Variants in CTNNA3 observed in about 807,000 individuals in gnomAD.
CTNNA3 encodes the protein catenin alpha-3.
Under a neutral mutation model 95.7 loss-of-function variants are expected in CTNNA3, and 76 were observed. The ratio of observed to expected loss-of-function variants is 0.79; its 90% CI spans 0.66 to 0.96. The LOEUF (loss-of-function observed/expected upper bound fraction) is 0.96, where lower values mean the gene tolerates loss of function less well. Among genes scored for constraint, CTNNA3 ranks in the 40% least tolerant of loss-of-function variants. The pLI, the probability that CTNNA3 is intolerant of heterozygous loss-of-function variation, is 0.00. For missense variants in CTNNA3, 1,191 were observed against 1,089.8 expected (o/e 1.09, Z -1.31); for synonymous variants, 431 against 374.4 (o/e 1.15, Z -1.74).
At chr10:66,607,354 A>G (rs552652189) in intron 10 of CTNNA3, among the ~76,000 whole-genome samples, 93 of 151,906 alleles carry the variant, frequency 6.1e-4, no homozygotes, top group Middle Eastern at 3.4e-3. Context: ...CAGATGTCCA[A>G]AGAAGAGCTG....
At chr10:67,585,801 AT>A (rs1032583528) in intron 3 of CTNNA3, among the ~76,000 whole-genome samples, 3 of 150,848 alleles carry the variant, frequency 2.0e-5, no homozygotes, top group South Asian at 2.1e-4. Flanking sequence ...GATCTTTTGT[AT>A]TTTTTTTAGT....
intron 7 of CTNNA3, among the ~76,000 whole-genome samples, chr10:66,999,473 A>C (rs1047965375): frequency 2.0e-5 from 3 of 152,054 alleles, no homozygotes; most frequent in Non-Finnish European, 4.4e-5. Context: ...GTCATCTTGT[A>C]TGGATCAGAA....
chr10:66,611,829 GT>G (rs1844340253), intron 10 of CTNNA3, among the ~76,000 whole-genome samples: 1 of 152,006 alleles, frequency 6.6e-6, no homozygotes, highest in South Asian at 2.1e-4. Flanking sequence ...TCCCAGATGT[GT>G]TTTCTTAAGG....
chr10:66,587,299 A>C (rs1843391468), intron 10 of CTNNA3, among the ~76,000 whole-genome samples: 1 of 152,116 alleles, frequency 6.6e-6, no homozygotes, highest in Non-Finnish European at 1.5e-5. Context: ...AGATGTTTTA[A>C]TGGGCTGTGC....
intron 17 of CTNNA3, among the ~76,000 whole-genome samples, chr10:65,924,221 G>T (rs1014905451): frequency 6.6e-6 from 1 of 152,066 alleles, no homozygotes; most frequent in Non-Finnish European, 1.5e-5. Flanking sequence ...AGTGGGTTAG[G>T]TATGGCATGG....
intron 13 of CTNNA3, among the ~76,000 whole-genome samples, chr10:66,256,018 G>A (rs1021097066): frequency 2.0e-5 from 3 of 152,206 alleles, no homozygotes; most frequent in Non-Finnish European, 4.4e-5. Flanking sequence ...TATAGCCAGG[G>A]AAGAAGCTGT....
intron 13 of CTNNA3, among the ~76,000 whole-genome samples, chr10:66,134,082 T>C (rs916214480): frequency 2.7e-4 from 41 of 151,994 alleles, no homozygotes; most frequent in Non-Finnish European, 5.4e-4. Context: ...AATCAAACTA[T>C]AAATAATTAG....
chr10:67,431,076 T>C (rs540023764), intron 5 of CTNNA3, among the ~76,000 whole-genome samples: 1 of 152,040 alleles, frequency 6.6e-6, no homozygotes, highest in African/African-American at 2.4e-5. Flanking sequence ...GGGAAGGCTA[T>C]TGTCCTGTTG....
At chr10:65,946,078 A>G (rs2077512228) in intron 17 of CTNNA3, among the ~76,000 whole-genome samples, 1 of 152,176 alleles carries the variant, frequency 6.6e-6, no homozygotes, top group South Asian at 2.1e-4. Flanking sequence ...TCTGCCTCTT[A>G]ATAGCTTTGT....
At chr10:66,128,468 A>G (rs2082928292) in intron 13 of CTNNA3, among the ~76,000 whole-genome samples, 1 of 152,110 alleles carries the variant, frequency 6.6e-6, no homozygotes, top group African/African-American at 2.4e-5. Flanking sequence ...TGACACAAGC[A>G]TGAAAAAAAA....
intron 5 of CTNNA3, among the ~76,000 whole-genome samples, chr10:67,493,577 A>AG (rs1353942443): frequency 6.6e-6 from 1 of 150,430 alleles, no homozygotes; most frequent in Non-Finnish European, 1.5e-5. Flanking sequence ...AAAAAAAAAA[A>AG]GTTTGATTTT....
At chr10:67,391,629 G>A (rs1481960928) in intron 5 of CTNNA3, among the ~76,000 whole-genome samples, 2 of 151,030 alleles carry the variant, frequency 1.3e-5, no homozygotes, top group Non-Finnish European at 3.0e-5. Flanking sequence ...AAAGCTGGAG[G>A]CATCACACTA....
intron 7 of CTNNA3, among the ~76,000 whole-genome samples, chr10:66,784,254 A>G (rs1840653170): frequency 6.6e-6 from 1 of 152,220 alleles, no homozygotes; most frequent in Non-Finnish European, 1.5e-5. Context: ...AGTTAAATTA[A>G]AGCCTCCACT....
Position 66,844,443 on chromosome 10 carries a change from C to T in CTNNA3, c.1048-68919G>A, listed in dbSNP as rs1843179107. ...CTGGGAAAACAACTTAACCTCATGG[C>T]ATTCTATGAAATCCCCAGAGTTCCT... On this transcript the variant is annotated intron_variant, in intron 7 of 17. Transcript: ENST00000433211. 2.0e-5 allele frequency among the ~76,000 whole-genome samples: 3 copies of T among 152,144 alleles called. No homozygotes were observed. In the South Asian group the frequency reaches 6.2e-4, roughly 32 times the overall value.
At chr10:66,476,586 A>T (rs904834132) in intron 11 of CTNNA3, among the ~76,000 whole-genome samples, 3 of 151,992 alleles carry the variant, frequency 2.0e-5, no homozygotes, top group African/African-American at 7.2e-5. Context: ...TATTTATCTT[A>T]TTTGTTAAAT....
intron 7 of CTNNA3, among the ~76,000 whole-genome samples, chr10:66,991,938 CAT>C (rs1441427240): frequency 6.6e-6 from 1 of 152,190 alleles, no homozygotes; most frequent in Non-Finnish European, 1.5e-5. Context: ...CATTAACCTT[CAT>C]ACCTCCCCTT....
At chr10:66,751,796 T>A (rs1839151026) in intron 9 of CTNNA3, among the ~76,000 whole-genome samples, 1 of 152,172 alleles carries the variant, frequency 6.6e-6, no homozygotes, top group Non-Finnish European at 1.5e-5. Flanking sequence ...CTTTTAAGTG[T>A]ACTACACACA....
intron 17 of CTNNA3, among the ~76,000 whole-genome samples, chr10:65,958,189 T>C (rs1163214808): frequency 6.6e-5 from 10 of 152,192 alleles, no homozygotes; most frequent in Non-Finnish European, 1.3e-4. Context: ...CTGCTGAAGC[T>C]TGTGCATGTG....
chr10:66,441,033 A>C (rs2093371947), intron 11 of CTNNA3, among the ~76,000 whole-genome samples: 1 of 152,156 alleles, frequency 6.6e-6, no homozygotes, highest in African/African-American at 2.4e-5. Flanking sequence ...CAAAAAACAG[A>C]GTAATTAATA....
Sources: gnomAD v4.1 joint callset for allele counts (sites outside exome capture counted in the v4.1 genomes callset) on GRCh38, gnomAD v4.1.1 for gene constraint, MANE v1.5 for transcripts, NCBI Gene and HGNC (gene_info 2026-07-23, HGNC 2026-07-21) for gene names.